CSMD3: variants seen among roughly 807,000 people sequenced by gnomAD.
The protein encoded by CSMD3 is CUB and Sushi multiple domains 3, also known as CUB and sushi domain-containing protein 3.
A neutral mutation model predicts 435.2 loss-of-function variants in CSMD3; 177 were observed. The ratio of observed to expected loss-of-function variants is 0.41; its 90% CI spans 0.36 to 0.46. The LOEUF is 0.46. CSMD3 is among the 20% of genes least tolerant of loss of function. CSMD3 has a pLI of 0.34. For synonymous variants in CSMD3, 1,656 were observed against 1,520.5 expected (o/e 1.09, Z -2.07); for missense variants, 4,265 against 4,504.6 (o/e 0.95, Z 1.52).
At position 113,347,459 on chromosome 8, in the gene CSMD3, T is replaced by A. The variant is rs183712719; in HGVS notation, c.179-32666A>T. Among the ~76,000 whole-genome samples, 16 of 151,664 alleles carry A rather than the reference T, an allele frequency of 1.1e-4. No homozygotes were observed. In the East Asian group the frequency reaches 2.9e-3, roughly 28 times the overall value. On this transcript the variant is annotated intron_variant, in intron 1 of 70. Coordinates refer to ENST00000297405, the MANE Select transcript of CSMD3 (RefSeq NM_198123.2). ...CAGGCGGTTTTGTAATTCCCAAGAGTGGAGGTTACAGCCTTTGGCACATCA... is the reference window on the plus strand; with the variant it reads ...CAGGCGGTTTTGTAATTCCCAAGAGAGGAGGTTACAGCCTTTGGCACATCA...
At chr8:113,121,910 G>C (rs1666579719) in intron 4 of CSMD3, among the ~76,000 whole-genome samples, 1 of 151,782 alleles carries the variant, frequency 6.6e-6, no homozygotes. Flanking sequence ...TTATTTGAGG[G>C]GATAATTTTG....
intron 3 of CSMD3, among the ~76,000 whole-genome samples, chr8:113,270,966 A>G (rs1360008674): frequency 7.2e-6 from 1 of 138,436 alleles, no homozygotes; most frequent in Non-Finnish European, 1.5e-5. Flanking sequence ...CCTAGAACTT[A>G]AAGTATAATC....
At chr8:112,567,111 A>G (rs1412194461) in intron 24 of CSMD3, among the ~76,000 whole-genome samples, 1 of 152,100 alleles carries the variant, frequency 6.6e-6, no homozygotes, top group Non-Finnish European at 1.5e-5. Flanking sequence ...CTAGTTTCCA[A>G]CTTTATCACT....
intron 32 of CSMD3, among the ~76,000 whole-genome samples, chr8:112,468,775 C>A (rs1309099968): frequency 6.6e-6 from 1 of 151,448 alleles, no homozygotes; most frequent in Non-Finnish European, 1.5e-5. Context: ...TTTTTAAATC[C>A]AAAAAGCCAA....
At chr8:112,595,124 T>C (rs1040785602) in intron 22 of CSMD3, among the ~76,000 whole-genome samples, 20 of 147,298 alleles carry the variant, frequency 1.4e-4, no homozygotes, top group Admixed American at 2.0e-4. Context: ...TGAAAAAAAT[T>C]TAGAAGAATG....
At chr8:112,403,022 T>C (rs1831472098) in intron 35 of CSMD3, among the ~76,000 whole-genome samples, 2 of 152,186 alleles carry the variant, frequency 1.3e-5, no homozygotes, top group Admixed American at 6.6e-5. Context: ...AGGATCTCTC[T>C]GCCATATTAA....
intron 6 of CSMD3, among the ~76,000 whole-genome samples, chr8:112,981,975 A>T (rs1264703984): frequency 6.6e-6 from 1 of 151,846 alleles, no homozygotes; most frequent in Non-Finnish European, 1.5e-5. Flanking sequence ...TTCTTAGTAC[A>T]AAAAATATAA....
At position 112,281,115 on chromosome 8, in the gene CSMD3, A is replaced by C. The variant is rs1287254462; in HGVS notation, c.9508+59T>G. 7.1e-6 allele frequency: 9 copies of C among 1,258,958 alleles called. No individual in the cohort carries two copies. In the East Asian group the frequency reaches 2.0e-4, roughly 27 times the overall value. The allele number at this position is 1,258,958 out of a possible 1,614,324, so 78.0% of individuals were successfully genotyped here. On this transcript the variant is annotated intron_variant, in intron 59 of 70. Coordinates refer to ENST00000297405, the MANE Select transcript of CSMD3 (RefSeq NM_198123.2). Reference sequence around the variant, plus strand: ...AATTACAAAACACACAAAAATACTTATATACTCATCAATACTTTCATATAA... The same window carrying C: ...AATTACAAAACACACAAAAATACTTCTATACTCATCAATACTTTCATATAA...
At chr8:112,889,628 A>C (rs2081721671) in intron 10 of CSMD3, among the ~76,000 whole-genome samples, 1 of 151,652 alleles carries the variant, frequency 6.6e-6, no homozygotes, top group African/African-American at 2.4e-5. Context: ...GAAAACTTCA[A>C]ATTGAATTAA....
At chr8:112,251,684 A>C (rs1025245371) in intron 63 of CSMD3, among the ~76,000 whole-genome samples, 3 of 151,784 alleles carry the variant, frequency 2.0e-5, no homozygotes, top group Non-Finnish European at 2.9e-5. Context: ...AAATATCTTG[A>C]GGCTAAATAT....
intron 36 of CSMD3, among the ~76,000 whole-genome samples, chr8:112,384,282 A>T (rs1181564549): frequency 6.6e-6 from 1 of 152,206 alleles, no homozygotes; most frequent in African/African-American, 2.4e-5. Flanking sequence ...ATGAATTTTT[A>T]AAAATTTATT....
intron 28 of CSMD3, among the ~76,000 whole-genome samples, chr8:112,510,625 G>T (rs1214941445): frequency 6.6e-6 from 1 of 151,982 alleles, no homozygotes; most frequent in Non-Finnish European, 1.5e-5. Flanking sequence ...TTCTCTTATT[G>T]TATTTGTTTT....
In CSMD3 at chr8:112,289,456, A is replaced by T; in HGVS notation, c.9057T>A (p.Tyr3019Ter). Reference protein sequence around the residue: ...EKYTFGSTVHYSCTGKRSLLG... With the variant: ...EKYTFGSTVH ...AAAGGGAACGCTTTCCTGTGCAGGAATAGTGAACAGTAGACCCAAAAGTAT... is the reference window on the plus strand; with the variant it reads ...AAAGGGAACGCTTTCCTGTGCAGGATTAGTGAACAGTAGACCCAAAAGTAT... The change falls in exon 57 of 71, where the codon TAT (tyrosine) becomes TAA (stop). Residue 3019 changes from tyrosine to a stop codon, truncating the protein, a stop_gained. Transcript: ENST00000297405. LOFTEE classifies it high-confidence loss of function. 6.2e-7 allele frequency: 1 copy of T among 1,613,402 alleles called. No homozygotes were observed. The highest frequency in any genetic ancestry group is 8.5e-7 in the Non-Finnish European group (1 of 1,179,544).
At chr8:113,223,742 G>C (rs1401677923) in intron 3 of CSMD3, among the ~76,000 whole-genome samples, 2 of 133,474 alleles carry the variant, frequency 1.5e-5, no homozygotes, top group East Asian at 4.1e-4. Context: ...ACTTTAAGCT[G>C]TGTGTGTTTA....
At chr8:112,942,879 ATAAAT>A (rs2130775620) in intron 9 of CSMD3, among the ~76,000 whole-genome samples, 1 of 151,902 alleles carries the variant, frequency 6.6e-6, no homozygotes, top group Admixed American at 6.6e-5. Context: ...TTTAAAAATA[ATAAAT>A]TAAATTAAAA....
At chr8:113,430,315 T>A (rs2094663918) in intron 1 of CSMD3, among the ~76,000 whole-genome samples, 1 of 152,186 alleles carries the variant, frequency 6.6e-6, no homozygotes. Context: ...TGCCAAGCAC[T>A]GGGCTAGGTA....
intron 3 of CSMD3, among the ~76,000 whole-genome samples, chr8:113,217,398 A>C (rs1450861443): frequency 1.3e-5 from 2 of 151,624 alleles, no homozygotes; most frequent in African/African-American, 4.8e-5. Context: ...AAGAAATGAC[A>C]CAAGTATTGG....
intron 1 of CSMD3, among the ~76,000 whole-genome samples, chr8:113,375,949 A>G (rs1335950181): frequency 6.6e-6 from 1 of 152,192 alleles, no homozygotes; most frequent in Non-Finnish European, 1.5e-5. Flanking sequence ...ATTTTAGTCA[A>G]AAATGGTGCT....
chr8:112,481,810 C>T (rs1196072805), intron 31 of CSMD3, among the ~76,000 whole-genome samples: 4 of 152,120 alleles, frequency 2.6e-5, no homozygotes, highest in African/African-American at 7.2e-5. Flanking sequence ...AAAATTACTA[C>T]TGTTTGTTTC....
Sources: allele counts gnomAD v4.1 joint callset (sites outside exome capture counted in the v4.1 genomes callset), GRCh38; gene constraint gnomAD v4.1.1; transcripts MANE v1.5; gene names NCBI Gene and HGNC (gene_info 2026-07-23, HGNC 2026-07-21).